The following SLC30A8 variants were observed in gnomAD, a reference collection of about 807,000 sequenced individuals.
SLC30A8 encodes the protein proton-coupled zinc antiporter SLC30A8.
A neutral mutation model predicts 36.9 loss-of-function variants in SLC30A8; 27 were observed. The observed-to-expected ratio is 0.73, with a 90% CI of 0.54 to 1.01. The LOEUF is 1.01. Ranked by LOEUF, SLC30A8 falls within the 50% of genes least tolerant of loss-of-function variation. SLC30A8 has a pLI of 0.00. For missense variants in SLC30A8, 439 were observed against 452.0 expected, an observed-to-expected ratio of 0.97 and a Z score of 0.26; for synonymous variants, 164 against 172.4, an observed-to-expected ratio of 0.95 and a Z score of 0.38.
At chr8:117,003,240 A>G (rs533708116) in intron 1 of SLC30A8, among the ~76,000 whole-genome samples, 3 of 152,326 alleles carry the variant, frequency 2.0e-5, no homozygotes, top group Non-Finnish European at 4.4e-5. Flanking sequence ...CAGAGCCTAT[A>G]TGGTTAATCA....
rs1351178521 is a variant in SLC30A8, at chr8:117,176,028, G to C, written c.*3347G>C. 6.6e-6 allele frequency: 1 copy of C among 152,160 alleles called. No individual in the cohort carries two copies. The highest frequency in any genetic ancestry group is 1.9e-4 in the East Asian group (1 of 5,160). 9.4% of individuals were successfully genotyped at this position (152,160 alleles called of 1,614,324 possible). ...CCAGTGCAATGAAGGCAAAGTCATA[G>C]GTCTCCCAAGTCTTACCCCATTCCT... On this transcript the variant is annotated 3_prime_UTR_variant, in exon 8 of 8. Transcript: ENST00000456015.
At chr8:117,155,614 A>G (rs1035805649) in intron 3 of SLC30A8, among the ~76,000 whole-genome samples, 11 of 152,232 alleles carry the variant, frequency 7.2e-5, no homozygotes, top group Admixed American at 3.3e-4. Context: ...AAGGTTGTCT[A>G]TGAATGAGGT....
At chr8:117,005,058 T>G (rs1816131779) in intron 1 of SLC30A8, among the ~76,000 whole-genome samples, 1 of 152,204 alleles carries the variant, frequency 6.6e-6, no homozygotes, top group Non-Finnish European at 1.5e-5. Flanking sequence ...GTGGTTTTAC[T>G]ATTTACACAG....
intron 1 of SLC30A8, among the ~76,000 whole-genome samples, chr8:117,001,204 C>CTTTT (rs34639384): frequency 3.2e-4 from 25 of 78,298 alleles, no homozygotes; most frequent in African/African-American, 1.0e-3. Context: ...TTGCTAGGGG[C>CTTTT]TTTTTTTTTT....
chr8:117,038,263 C>T (rs929026725), intron 1 of SLC30A8, among the ~76,000 whole-genome samples: 2 of 152,150 alleles, frequency 1.3e-5, no homozygotes, highest in African/African-American at 4.8e-5. Flanking sequence ...ATTATTATTT[C>T]TAGCTTATTG....
rs114287592 is a variant in SLC30A8 at position 117,087,202 on chromosome 8, G to A, written c.-226+47944G>A. ...TCTGGGATCTAAGAAGCTGTGCTGTGGTCAAATAGAAAGTCAACAGTGGTA... is the reference window on the plus strand; with the variant it reads ...TCTGGGATCTAAGAAGCTGTGCTGTAGTCAAATAGAAAGTCAACAGTGGTA... On this transcript the variant is annotated intron_variant, in intron 2 of 10. Transcript: ENST00000427715. 2.8e-3 allele frequency among the ~76,000 whole-genome samples: 422 copies of A among 152,184 alleles called. 6 individuals carry two copies. The highest frequency in any genetic ancestry group is 9.6e-3 in the African/African-American group (398 of 41,524).
intron 2 of SLC30A8, among the ~76,000 whole-genome samples, chr8:117,079,255 C>T (rs1818587194): frequency 6.6e-6 from 1 of 152,150 alleles, no homozygotes; most frequent in Admixed American, 6.5e-5. Flanking sequence ...GGTGATCTGC[C>T]TGTCTCGGCC....
intron 1 of SLC30A8, among the ~76,000 whole-genome samples, chr8:117,002,330 C>T (rs1339328473): frequency 6.6e-6 from 1 of 152,050 alleles, no homozygotes; most frequent in African/African-American, 2.4e-5. Context: ...AGTTTCTAGC[C>T]CTCAATGGAA....
intron 2 of SLC30A8, among the ~76,000 whole-genome samples, chr8:117,057,196 A>G (rs1817897773): frequency 6.6e-6 from 1 of 152,200 alleles, no homozygotes; most frequent in Non-Finnish European, 1.5e-5. Context: ...CAAAGTGGAA[A>G]GGACAAACAA....
rs113651959 is a variant in SLC30A8 at position 117,073,640 on chromosome 8, A to G, written c.-226+34382A>G. On this transcript the variant is annotated intron_variant, in intron 2 of 10. Transcript: ENST00000427715. The stretch of plus-strand genomic sequence containing the variant: ...TATTCTTTAAAAAATTTCCTCTGCA[A>G]TCTGGTCTGTCTCATTCAGTACCAT... Among the ~76,000 whole-genome samples the G allele has an allele frequency of 5.3e-5, 8 of 152,326 alleles. No individual in the cohort carries two copies. The South Asian group carries it at 8.3e-4, about 16-fold the overall frequency.
chr8:116,989,884 A>G (rs4876693), intron 1 of SLC30A8, among the ~76,000 whole-genome samples: 40,056 of 152,106 alleles, frequency 0.26, 5,492 homozygotes, highest in Non-Finnish European at 0.3. Context: ...TTGTGTGCCA[A>G]TGATTCTAGT....
intron 1 of SLC30A8, among the ~76,000 whole-genome samples, chr8:117,009,990 A>G (rs1001200916): frequency 1.3e-5 from 2 of 152,276 alleles, no homozygotes; most frequent in African/African-American, 4.8e-5. Flanking sequence ...AGGTTTGAAC[A>G]GCACAGGCTT....
intron 2 of SLC30A8, among the ~76,000 whole-genome samples, chr8:117,102,389 C>T (rs1227755862): frequency 2.0e-5 from 3 of 152,034 alleles, no homozygotes; most frequent in East Asian, 3.9e-4. Context: ...TATTAGTTAC[C>T]ATTCATCTCT....
chr8:117,055,625 G>A (rs954821660), intron 2 of SLC30A8, among the ~76,000 whole-genome samples: 3 of 152,160 alleles, frequency 2.0e-5, no homozygotes, highest in Admixed American at 2.0e-4. Flanking sequence ...ACCCTAATGT[G>A]ATCATCATTA....
At chr8:117,142,177 C>T (rs1821684016) in intron 1 of SLC30A8, among the ~76,000 whole-genome samples, 1 of 152,124 alleles carries the variant, frequency 6.6e-6, no homozygotes, top group Non-Finnish European at 1.5e-5. Context: ...TTGCACCTCT[C>T]TATTATTCCC....
At chr8:116,989,780 C>A (rs1815569134) in intron 1 of SLC30A8, among the ~76,000 whole-genome samples, 1 of 152,162 alleles carries the variant, frequency 6.6e-6, no homozygotes, top group African/African-American at 2.4e-5. Flanking sequence ...AAGTAAAACC[C>A]CACCTGGAAA....
At chr8:117,090,166 A>C (rs1316188168) in intron 2 of SLC30A8, among the ~76,000 whole-genome samples, 1 of 151,828 alleles carries the variant, frequency 6.6e-6, no homozygotes, top group East Asian at 1.9e-4. Context: ...GTTTCACCAT[A>C]TTGGCCAGGC....
chr8:117,025,934 T>A (rs1816858086), intron 1 of SLC30A8, among the ~76,000 whole-genome samples: 1 of 152,230 alleles, frequency 6.6e-6, no homozygotes. Context: ...GCCTCAAGGC[T>A]TTTAAAGCAT....
chr8:117,054,098 CTTTTT>C (rs4060800), intron 2 of SLC30A8, among the ~76,000 whole-genome samples: 2 of 124,166 alleles, frequency 1.6e-5, no homozygotes, highest in Non-Finnish European at 3.4e-5. Context: ...CTGCAAAAAT[CTTTTT>C]TTTTTTTTTT....
Sources: gnomAD v4.1 joint callset for allele counts (sites outside exome capture counted in the v4.1 genomes callset) on GRCh38, gnomAD v4.1.1 for gene constraint, MANE v1.5 for transcripts, NCBI Gene and HGNC (gene_info 2026-07-23, HGNC 2026-07-21) for gene names.